The following GATAD2B variants were observed in gnomAD, a reference collection of about 807,000 sequenced individuals.
GATAD2B encodes the protein GATA zinc finger domain containing 2B, also known as transcriptional repressor p66-beta.
Under a neutral mutation model 64.3 loss-of-function variants are expected in GATAD2B, and 8 were observed. The observed-to-expected ratio is 0.12, with a 90% CI of 0.07 to 0.22. The LOEUF is 0.22. Ranked by LOEUF, GATAD2B falls within the 10% of genes least tolerant of loss-of-function variation. GATAD2B has a pLI of 1.00. For missense variants in GATAD2B, 453 were observed against 752.0 expected (o/e 0.60, Z 4.65); for synonymous variants, 281 against 271.3 (o/e 1.04, Z -0.35).
At chr1:153,918,101 G>T (rs1381080660) in intron 1 of GATAD2B, among the ~76,000 whole-genome samples, 2 of 152,208 alleles carry the variant, frequency 1.3e-5, no homozygotes, top group African/African-American at 4.8e-5. Context: ...GAGCAAGTCA[G>T]TGTGGCTGGA....
chr1:153,901,853 A>T (rs924699555), intron 1 of GATAD2B, among the ~76,000 whole-genome samples: 4 of 148,744 alleles, frequency 2.7e-5, no homozygotes, highest in African/African-American at 1.0e-4. Context: ...ATAAATAAAT[A>T]AATTAAATAA....
intron 1 of GATAD2B, chr1:153,889,695 A>T (rs1347170015): frequency 1.3e-6 from 1 of 788,130 alleles, no homozygotes; most frequent in Non-Finnish European, 1.5e-6. Flanking sequence ...TTATTTTCAT[A>T]TGTTCTCTGT....
intron 1 of GATAD2B, among the ~76,000 whole-genome samples, chr1:153,875,933 G>A (rs755607368): frequency 2.1e-4 from 32 of 151,944 alleles, no homozygotes; most frequent in Middle Eastern, 3.4e-3. Context: ...AACTTCATAC[G>A]ATTTCACAGT....
At chr1:153,844,218 A>G (rs1675602769) in intron 1 of GATAD2B, among the ~76,000 whole-genome samples, 1 of 152,098 alleles carries the variant, frequency 6.6e-6, no homozygotes, top group African/African-American at 2.4e-5. Flanking sequence ...CTGGGGGAAA[A>G]AAAAACATAT....
At chr1:153,832,682 A>T (rs2101895242) in intron 1 of GATAD2B, among the ~76,000 whole-genome samples, 1 of 152,288 alleles carries the variant, frequency 6.6e-6, no homozygotes, top group East Asian at 1.9e-4. Flanking sequence ...TAAGGGATAC[A>T]TGTGTAGATT....
Position 153,879,085 on chromosome 1 carries a change from G to A in GATAD2B, c.-2+43648C>T, listed in dbSNP as rs563269298. Among the ~76,000 whole-genome samples, 97 of 152,080 alleles carry A rather than the reference G, an allele frequency of 6.4e-4. 1 individual carries two copies. The South Asian group carries it at 0.016, about 25-fold the overall frequency. ...CTCCCGAGTAGCTGGGACTACAGGCGCAAGCCACCACGCCCGGCTAATTTT... is the reference window on the plus strand; with the variant it reads ...CTCCCGAGTAGCTGGGACTACAGGCACAAGCCACCACGCCCGGCTAATTTT... On this transcript the variant is annotated intron_variant, in intron 1 of 10. Transcript: ENST00000368655.
In GATAD2B at chr1:153,907,141, T is replaced by G. The variant is rs1458609367; in HGVS notation, c.-2+15592A>C. Among the ~76,000 whole-genome samples, 3 of 152,244 alleles carry G rather than the reference T, an allele frequency of 2.0e-5. No individual in the cohort carries two copies. The South Asian group carries it at 6.2e-4, about 31-fold the overall frequency. On this transcript the variant is annotated intron_variant, in intron 1 of 10. Coordinates refer to ENST00000368655, the MANE Select transcript of GATAD2B (RefSeq NM_020699.4). ...AATTATCATGATCTAACAATTTCAA[T>G]TCTGGATATATATCCTATACGCAAA...
At chr1:153,912,395 A>AGAAT (rs1451206883) in intron 1 of GATAD2B, among the ~76,000 whole-genome samples, 1 of 135,642 alleles carries the variant, frequency 7.4e-6, no homozygotes, top group Non-Finnish European at 1.7e-5. Flanking sequence ...TGAGAAACTG[A>AGAAT]GAATTACTAT....
intron 1 of GATAD2B, among the ~76,000 whole-genome samples, chr1:153,909,615 A>C (rs1282653322): frequency 6.6e-6 from 1 of 151,684 alleles, no homozygotes; most frequent in Non-Finnish European, 1.5e-5. Flanking sequence ...CCTGGCCAAC[A>C]TGGTGAAACC....
intron 1 of GATAD2B, among the ~76,000 whole-genome samples, chr1:153,830,764 C>G (rs1014563350): frequency 2.6e-5 from 4 of 151,426 alleles, no homozygotes; most frequent in African/African-American, 7.3e-5. Context: ...CGTGAGCCAC[C>G]GCGCCCGGCC....
chr1:153,871,169 T>C (rs1295003351), intron 1 of GATAD2B, among the ~76,000 whole-genome samples: 2 of 151,994 alleles, frequency 1.3e-5, no homozygotes, highest in Non-Finnish European at 2.9e-5. Context: ...CGGGTTCAAG[T>C]GATTCTCTTG....
At chr1:153,867,346 A>C (rs1011829754) in intron 1 of GATAD2B, among the ~76,000 whole-genome samples, 6 of 152,138 alleles carry the variant, frequency 3.9e-5, no homozygotes, top group Non-Finnish European at 5.9e-5. Flanking sequence ...TTAGAAATAA[A>C]TTTGGCAAAT....
chr1:153,898,061 T>C lies in GATAD2B; in HGVS notation c.-2+24672A>G, dbSNP rs532963044. Among the ~76,000 whole-genome samples, 393 of 148,216 alleles carry C rather than the reference T, an allele frequency of 2.7e-3. 3 individuals are homozygous for C. The highest frequency in any genetic ancestry group is 6.4e-3 in the Admixed American group (95 of 14,874). ...GCTAAAGCCTATAATTCTAGCACTCTGGGAGGCTGAGGCAGGCCAATCGCT... is the reference window on the plus strand; with the variant it reads ...GCTAAAGCCTATAATTCTAGCACTCCGGGAGGCTGAGGCAGGCCAATCGCT... On this transcript the variant is annotated intron_variant, in intron 1 of 10. Transcript: ENST00000368655.
chr1:153,895,565 G>A (rs1441853296), intron 1 of GATAD2B, among the ~76,000 whole-genome samples: 1 of 150,838 alleles, frequency 6.6e-6, no homozygotes, highest in Admixed American at 6.6e-5. Flanking sequence ...GGGCAACAGA[G>A]TGAGACCCCG....
At chr1:153,879,993 A>AGAATACCGCATT (rs1676959655) in intron 1 of GATAD2B, among the ~76,000 whole-genome samples, 3 of 152,142 alleles carry the variant, frequency 2.0e-5, no homozygotes, top group Admixed American at 6.6e-5. Context: ...TGGCAGGGAA[A>AGAATACCGCATT]GAATACCGCA....
intron 2 of GATAD2B, among the ~76,000 whole-genome samples, chr1:153,826,367 GCCTATAAT>G (rs888519451): frequency 2.0e-5 from 3 of 151,866 alleles, no homozygotes; most frequent in Non-Finnish European, 4.4e-5. Context: ...GATGGCTCAT[GCCTATAAT>G]CCCAGCACTT....
intron 1 of GATAD2B, among the ~76,000 whole-genome samples, chr1:153,864,156 A>T (rs1676400353): frequency 6.6e-6 from 1 of 152,178 alleles, no homozygotes; most frequent in East Asian, 1.9e-4. Flanking sequence ...TTCCCAGACA[A>T]AACATGTTGT....
chr1:153,895,974 A>T (rs1265063326), intron 1 of GATAD2B, among the ~76,000 whole-genome samples: 1 of 147,392 alleles, frequency 6.8e-6, no homozygotes, highest in Non-Finnish European at 1.5e-5. Context: ...AGCCTGGGCA[A>T]CATAGCAAGA....
At chr1:153,908,255 AG>A (rs1255271061) in intron 1 of GATAD2B, among the ~76,000 whole-genome samples, 3 of 152,150 alleles carry the variant, frequency 2.0e-5, no homozygotes, top group Non-Finnish European at 2.9e-5. Flanking sequence ...CCACTTTGGG[AG>A]GCTAAGGTGG....
Sources: allele counts gnomAD v4.1 joint callset (sites outside exome capture counted in the v4.1 genomes callset), GRCh38; gene constraint gnomAD v4.1.1; transcripts MANE v1.5; gene names NCBI Gene and HGNC (gene_info 2026-07-23, HGNC 2026-07-21).